KLF7: variants seen among roughly 807,000 people sequenced by gnomAD.
The protein encoded by KLF7 is Krueppel-like factor 7.
A neutral mutation model predicts 27.3 loss-of-function variants in KLF7; 2 were observed. The ratio of observed to expected loss-of-function variants is 0.07; its 90% CI spans 0.03 to 0.23. The LOEUF is 0.23. KLF7 is among the 10% of genes least tolerant of loss of function. KLF7 has a pLI of 1.00. For missense variants in KLF7, 221 were observed against 394.1 expected (o/e 0.56, Z 3.72); for synonymous variants, 165 against 162.4 (o/e 1.02, Z -0.12).
At chr2:207,097,706 ATTAC>A (rs2076665864) in intron 2 of KLF7, among the ~76,000 whole-genome samples, 1 of 152,226 alleles carries the variant, frequency 6.6e-6, no homozygotes, top group South Asian at 2.1e-4. Flanking sequence ...GGTCATGAAA[ATTAC>A]TTACCAACCC....
At chr2:207,128,099 G>A (rs997329324) in intron 1 of KLF7, among the ~76,000 whole-genome samples, 2 of 152,136 alleles carry the variant, frequency 1.3e-5, no homozygotes, top group Non-Finnish European at 2.9e-5. Flanking sequence ...GGACTCCCTA[G>A]AGAAATAGTT....
chr2:207,123,745 A>G (rs1279771541), intron 2 of KLF7, 29 bp downstream of exon 2: 2 of 1,588,730 alleles, frequency 1.3e-6, no homozygotes, highest in Non-Finnish European at 1.7e-6. Context: ...GGAAAGAAGA[A>G]ACCACGTGCG....
intron 1 of KLF7, among the ~76,000 whole-genome samples, chr2:207,157,776 C>T (rs1409140929): frequency 6.6e-6 from 1 of 152,200 alleles, no homozygotes; most frequent in Non-Finnish European, 1.5e-5. Flanking sequence ...TTTTAGACTT[C>T]CGCTAATTAG....
chr2:207,124,456 C>T (rs1350444939), intron 1 of KLF7, 52 bp from the exon 2 acceptor site: 18 of 1,497,416 alleles, frequency 1.2e-5, no homozygotes, highest in Non-Finnish European at 1.5e-5. Flanking sequence ...CACAGAACAC[C>T]ATGAGGCCAC....
At chr2:207,099,520 T>C (rs1344191119) in intron 2 of KLF7, among the ~76,000 whole-genome samples, 1 of 134,364 alleles carries the variant, frequency 7.4e-6, no homozygotes, top group African/African-American at 2.8e-5. Flanking sequence ...ATTTATTATT[T>C]GGATAAAAGT....
rs540839594 is a variant in KLF7, at chr2:207,115,961, G to A, written c.733+7813C>T. Among the ~76,000 whole-genome samples, 24 of 152,320 alleles carry A rather than the reference G, an allele frequency of 1.6e-4. No individual in the cohort carries two copies. In the South Asian group the frequency reaches 5.0e-3, roughly 32 times the overall value. On this transcript the variant is annotated intron_variant, in intron 2 of 3. Coordinates refer to ENST00000309446, the MANE Select transcript of KLF7 (RefSeq NM_003709.4). ...ATAGAGGAAAGCTGCAGGGCAGAAA[G>A]TGACAGAGTACAGGAAGGGATCAGA... is the stretch of plus-strand genomic sequence containing the variant.
intron 1 of KLF7, among the ~76,000 whole-genome samples, chr2:207,157,578 T>A (rs182296750): frequency 1.3e-5 from 2 of 152,354 alleles, no homozygotes; most frequent in Non-Finnish European, 1.5e-5. Context: ...CTTGGAAGTT[T>A]GGCCTCATGC....
the KLF7 span, among the ~76,000 whole-genome samples, chr2:207,172,957 A>G: frequency 6.6e-6 from 1 of 151,416 alleles, no homozygotes; most frequent in South Asian, 2.1e-4. Context: ...GGACTAATTT[A>G]TAAGTGGTCC....
At chr2:207,107,935 G>A (rs1421007555) in intron 2 of KLF7, among the ~76,000 whole-genome samples, 2 of 152,178 alleles carry the variant, frequency 1.3e-5, no homozygotes, top group African/African-American at 4.8e-5. Flanking sequence ...AAGATTTAAC[G>A]CCTCAATAGA....
At chr2:207,136,627 A>T (rs2077796729) in intron 1 of KLF7, among the ~76,000 whole-genome samples, 2 of 152,168 alleles carry the variant, frequency 1.3e-5, no homozygotes, top group Non-Finnish European at 1.5e-5. Flanking sequence ...TTGCATGTTT[A>T]TCGTTTATCT....
At chr2:207,143,965 C>G (rs2078019478) in intron 1 of KLF7, among the ~76,000 whole-genome samples, 1 of 152,096 alleles carries the variant, frequency 6.6e-6, no homozygotes, top group Admixed American at 6.5e-5. Flanking sequence ...TCTGCAATAT[C>G]ATAAGAGAGG....
At chr2:207,103,298 T>A (rs191729933) in intron 2 of KLF7, among the ~76,000 whole-genome samples, 1 of 152,226 alleles carries the variant, frequency 6.6e-6, no homozygotes, top group South Asian at 2.1e-4. Flanking sequence ...GAAAACTAGA[T>A]TCCTGGAAAG....
At chr2:207,161,437 A>C (rs1457858435) in intron 1 of KLF7, among the ~76,000 whole-genome samples, 1 of 152,182 alleles carries the variant, frequency 6.6e-6, no homozygotes, top group Non-Finnish European at 1.5e-5. Flanking sequence ...TGCTGTTGCC[A>C]AGAAATTCTA....
chr2:207,087,201 T>G (rs774493658), intron 3 of KLF7, among the ~76,000 whole-genome samples: 1 of 152,180 alleles, frequency 6.6e-6, no homozygotes, highest in South Asian at 2.1e-4. Flanking sequence ...CTGCATAAAG[T>G]ACACTTCCTC....
At chr2:207,143,697 C>T (rs945446975) in intron 1 of KLF7, among the ~76,000 whole-genome samples, 1 of 152,230 alleles carries the variant, frequency 6.6e-6, no homozygotes, top group African/African-American at 2.4e-5. Context: ...GCTACTGCTT[C>T]TGTGGCTACT....
At chr2:207,133,976 G>T in intron 1 of KLF7, 2 of 922,562 alleles carry the variant, frequency 2.2e-6, no homozygotes, top group Non-Finnish European at 3.2e-6. Flanking sequence ...CTGTTTTACA[G>T]CCCGCTCTTA....
At chr2:207,154,797 A>G (rs564469980) in intron 1 of KLF7, among the ~76,000 whole-genome samples, 41 of 152,348 alleles carry the variant, frequency 2.7e-4, no homozygotes, top group African/African-American at 9.9e-4. Flanking sequence ...AGAGATGTTA[A>G]GTGACTTTCT....
At chr2:207,084,507 C>A (rs1025658629) in intron 3 of KLF7, among the ~76,000 whole-genome samples, 2 of 151,944 alleles carry the variant, frequency 1.3e-5, no homozygotes, top group African/African-American at 4.8e-5. Flanking sequence ...CCTACTGAAT[C>A]AAATGAGCAT....
At chr2:207,111,757 G>A (rs2077044275) in intron 2 of KLF7, among the ~76,000 whole-genome samples, 3 of 152,156 alleles carry the variant, frequency 2.0e-5, no homozygotes, top group South Asian at 2.1e-4. Flanking sequence ...TCTCCAAGAA[G>A]AGTACGATGA....
Sources: allele counts gnomAD v4.1 joint callset (sites outside exome capture counted in the v4.1 genomes callset), GRCh38; gene constraint gnomAD v4.1.1; transcripts MANE v1.5; gene names NCBI Gene and HGNC (gene_info 2026-07-23, HGNC 2026-07-21).